DMBT1: variants seen among roughly 807,000 people sequenced by gnomAD.
DMBT1 encodes deleted in malignant brain tumors 1.
Under a neutral mutation model 252.9 loss-of-function variants are expected in DMBT1, and 198 were observed. That is an observed-to-expected ratio of 0.78 (90% CI 0.70 to 0.88). The LOEUF is 0.88. Among genes scored for constraint, DMBT1 ranks in the 40% least tolerant of loss-of-function variants. The probability of loss-of-function intolerance (pLI) is 0.00; values close to 1 mark genes in which losing one functional copy is unlikely to be tolerated. For missense variants in DMBT1, 2,432 were observed against 2,404.7 expected (o/e 1.01, Z -0.24); for synonymous variants, 990 against 942.7 (o/e 1.05, Z -0.92).
chr10:122,589,144 G>T lies in DMBT1; in HGVS notation c.1984G>T (p.Gly662Ter), dbSNP rs182080461. 6.3e-7 allele frequency: 1 copy of T among 1,588,336 alleles called. No homozygotes were observed. ...PGNARFGQGSGPIVLDDVRCS... is the reference protein window; with the variant it reads ...PGNARFGQGS ...AAATGCCCGGTTTGGTCAGGGCTCA[G>T]GACCCATTGTCCTGGATGATGTGCG... The change falls in exon 17 of 56, where the codon GGA becomes TGA. Residue 662 changes from glycine (G) to a stop codon, truncating the protein, a stop_gained. Transcript: ENST00000338354. LOFTEE classifies it high-confidence loss of function.
chr10:122,577,734 C>T, intron 7 of DMBT1, 77 bp from the exon 8 acceptor site: 1 of 1,561,454 alleles, frequency 6.4e-7, no homozygotes, highest in South Asian at 1.1e-5. Context: ...GTGTAGATAC[C>T]CCAAGTCACT....
chr10:122,580,273 G>C (rs931562892), intron 10 of DMBT1, among the ~76,000 whole-genome samples: 20 of 152,316 alleles, frequency 1.3e-4, no homozygotes, highest in African/African-American at 4.6e-4. Context: ...GAGGAACTCT[G>C]AACTAAAGAT....
chr10:122,617,303 G>A (rs1393569739), intron 40 of DMBT1, 43 bp downstream of exon 40: 2 of 1,593,144 alleles, frequency 1.3e-6, no homozygotes, highest in Non-Finnish European at 1.7e-6. Context: ...ACTATCTCTG[G>A]ACATATTTTG....
At chr10:122,574,369 A>G (rs2981805) in intron 6 of DMBT1, among the ~76,000 whole-genome samples, 104,440 of 152,020 alleles carry the variant, frequency 0.69, 36,095 homozygotes, top group East Asian at 0.77. Flanking sequence ...CCCATTTCCC[A>G]TGGGAAATCT....
rs538316451 is a variant in DMBT1 at position 122,619,419 on chromosome 10, C to T, written c.5245+82C>T. Reference sequence around the variant, plus strand: ...TTCCCCACTCCACAGAGCTCTCCTGCTTTTCTGTGCGGATACTGTGGGGCA... The same window carrying T: ...TTCCCCACTCCACAGAGCTCTCCTGTTTTTCTGTGCGGATACTGTGGGGCA... On this transcript the variant is annotated intron_variant, in intron 42 of 55. Coordinates refer to ENST00000338354, the MANE Select transcript of DMBT1 (RefSeq NM_001377530.1). 3.1e-5 allele frequency: 48 copies of T among 1,569,790 alleles called. No homozygotes were observed. The East Asian group carries it at 1.0e-3, about 34-fold the overall frequency.
chr10:122,591,533 A>C lies in DMBT1; in HGVS notation c.2176+16A>C. On this transcript the variant is annotated intron_variant, in intron 19 of 55. Coordinates refer to ENST00000338354, the MANE Select transcript of DMBT1 (RefSeq NM_001377530.1). ...TCGACAGTAGGTAAATAATCCTCTCACCCCTCCCTAGGGCTCACTCTCTAC... is the reference window on the plus strand; with the variant it reads ...TCGACAGTAGGTAAATAATCCTCTCCCCCCTCCCTAGGGCTCACTCTCTAC... 6.3e-7 allele frequency: 1 copy of C among 1,579,484 alleles called. No homozygotes were observed. Among genetic ancestry groups the C allele is most frequent in the Non-Finnish European group, 8.6e-7 (1 of 1,158,810 alleles).
At chr10:122,632,798 G>A (rs749410966) in intron 50 of DMBT1, 63 bp from the exon 51 acceptor site, 43 of 1,590,524 alleles carry the variant, frequency 2.7e-5, no homozygotes, top group Middle Eastern at 3.3e-4. Context: ...CAGCTCATGA[G>A]CAGTCGACAG....
At position 122,635,613 on chromosome 10, in the gene DMBT1, C is replaced by T. The variant is rs540412518; in HGVS notation, c.6549-378C>T. Among the ~76,000 whole-genome samples the T allele has an allele frequency of 1.1e-3, 162 of 152,288 alleles. 1 individual carries two copies. The highest frequency in any genetic ancestry group is 3.6e-3 in the African/African-American group (150 of 41,560). ...TCGCCCAAACTGGAGTGCAGTGGCA[C>T]GATCTCGGCTCACTGCAACCTCTGC... On this transcript the variant is annotated intron_variant, in intron 52 of 55. Coordinates refer to ENST00000338354, the MANE Select transcript of DMBT1 (RefSeq NM_001377530.1).
In DMBT1 at chr10:122,572,351, C is replaced by A; in HGVS notation, c.225C>A (p.Thr75=). The change falls in exon 5 of 56, where the codon ACC becomes ACA. Residue 75 remains threonine, a synonymous_variant. Transcript: ENST00000338354. The part of the protein sequence containing the change: ...PISLESTLES[T]VAEGSLIPSE... The stretch of plus-strand genomic sequence containing the variant: ...CCTTGGAGTCAACCCTGGAGTCAAC[C>A]GTAGCAGAAGGTAACGTCTACTATG... 1 of 1,613,276 alleles carries A rather than the reference C, an allele frequency of 6.2e-7. No homozygotes were observed. The highest frequency in any genetic ancestry group is 8.5e-7 in the Non-Finnish European group (1 of 1,179,372).
chr10:122,569,232 A>G (rs964851691), intron 2 of DMBT1, among the ~76,000 whole-genome samples: 2 of 152,128 alleles, frequency 1.3e-5, no homozygotes, highest in Non-Finnish European at 2.9e-5. Flanking sequence ...CCAAATATAT[A>G]TCTTCCTAAG....
intron 26 of DMBT1, 138 bp from the exon 27 acceptor site, chr10:122,599,926 C>CATGGCA: frequency 7.7e-7 from 1 of 1,292,848 alleles, no homozygotes; most frequent in Non-Finnish European, 1.1e-6. Context: ...TGGGGATGTG[C>CATGGCA]ATGGCAATGC....
At chr10:122,575,700 G>C (rs2097706304) in intron 6 of DMBT1, among the ~76,000 whole-genome samples, 1 of 152,154 alleles carries the variant, frequency 6.6e-6, no homozygotes, top group Admixed American at 6.5e-5. Flanking sequence ...AAATTTTAGG[G>C]AATGGGATGG....
chr10:122,570,991 G>A, intron 4 of DMBT1, 54 bp downstream of exon 4: 1 of 1,582,854 alleles, frequency 6.3e-7, no homozygotes, highest in Non-Finnish European at 8.7e-7. Context: ...TGCACCCCTA[G>A]GTTCATCTCT....
At chr10:122,568,690 T>G (rs988896513) in intron 2 of DMBT1, among the ~76,000 whole-genome samples, 46 of 152,222 alleles carry the variant, frequency 3.0e-4, no homozygotes, top group African/African-American at 1.1e-3. Flanking sequence ...TGATGACAGC[T>G]GGGACGCCCA....
chr10:122,629,330 G>A (rs2098140920), intron 46 of DMBT1, among the ~76,000 whole-genome samples: 1 of 152,226 alleles, frequency 6.6e-6, no homozygotes, highest in Non-Finnish European at 1.5e-5. Context: ...AGCTGATAGA[G>A]GCAGAGCCAA....
In DMBT1 at chr10:122,619,344, C is replaced by T. The variant is rs748146032; in HGVS notation, c.5245+7C>T. The T allele has an allele frequency of 8.1e-6, 13 of 1,613,906 alleles. No individual in the cohort carries two copies. Among genetic ancestry groups the T allele is most frequent in the Admixed American group, 3.3e-5 (2 of 60,018 alleles). Reference sequence around the variant, plus strand: ...CAGTCAACGCCCAGGCCAGGTGAGTCCCCAGCATCCTTCATCGGGATGTCC... The same window carrying T: ...CAGTCAACGCCCAGGCCAGGTGAGTTCCCAGCATCCTTCATCGGGATGTCC... On this transcript the variant is annotated splice_region_variant and intron_variant, in intron 42 of 55. Transcript: ENST00000338354.
intron 44 of DMBT1, among the ~76,000 whole-genome samples, chr10:122,622,937 C>G (rs1027164576): frequency 5.9e-5 from 9 of 152,196 alleles, no homozygotes; most frequent in Non-Finnish European, 1.2e-4. Context: ...ACCCCTCTAT[C>G]CTGAGATGGA....
intron 46 of DMBT1, 82 bp from the exon 47 acceptor site, chr10:122,629,758 G>C (rs183698107): frequency 2.0e-5 from 30 of 1,495,498 alleles, no homozygotes; most frequent in Non-Finnish European, 2.6e-5. Flanking sequence ...GATGAAACTG[G>C]ATGATACTTA....
chr10:122,618,777 G>A (rs796554717), intron 41 of DMBT1, among the ~76,000 whole-genome samples: 4 of 152,348 alleles, frequency 2.6e-5, no homozygotes, highest in African/African-American at 9.6e-5. Context: ...CAGTGAGGAG[G>A]TCTGGAAATA....
Sources: gnomAD v4.1 joint callset for allele counts (sites outside exome capture counted in the v4.1 genomes callset) on GRCh38, gnomAD v4.1.1 for gene constraint, MANE v1.5 for transcripts, NCBI Gene and HGNC (gene_info 2026-07-23, HGNC 2026-07-21) for gene names.